Variants in RIMBP2 observed in about 807,000 individuals in gnomAD.
RIMBP2 encodes the protein RIMS-binding protein 2.
RIMBP2 carries 48 observed loss-of-function variants against 118.6 expected under a neutral mutation model. The observed-to-expected ratio is 0.40, with a 90% CI of 0.32 to 0.51. The LOEUF (loss-of-function observed/expected upper bound fraction) is 0.51, where lower values mean the gene tolerates loss of function less well. RIMBP2 is among the 20% of genes least tolerant of loss of function. The pLI, the probability that RIMBP2 is intolerant of heterozygous loss-of-function variation, is 0.41. For synonymous variants in RIMBP2, 762 were observed against 742.9 expected (o/e 1.03, Z -0.42); for missense variants, 1,551 against 1,768.3 (o/e 0.88, Z 2.20).
chr12:130,647,433 G>A (rs2063041360), intron 1 of RIMBP2, among the ~76,000 whole-genome samples: 1 of 145,912 alleles, frequency 6.9e-6, no homozygotes, highest in African/African-American at 2.5e-5. Flanking sequence ...GTCAGGAGAT[G>A]TTTGCTTCCC....
At chr12:130,530,991 G>C (rs1171474334) in intron 2 of RIMBP2, among the ~76,000 whole-genome samples, 2 of 152,156 alleles carry the variant, frequency 1.3e-5, no homozygotes, top group African/African-American at 4.8e-5. Context: ...TCTCCCCAAG[G>C]ACTGATCACT....
chr12:130,638,213 A>G (rs1352282035), intron 1 of RIMBP2, among the ~76,000 whole-genome samples: 1 of 152,198 alleles, frequency 6.6e-6, no homozygotes, highest in Non-Finnish European at 1.5e-5. Context: ...GATTAAGTTC[A>G]GCTTAGAATT....
Position 130,628,405 on chromosome 12 carries a change from C to T in RIMBP2, c.-300G>A, listed in dbSNP as rs1405831231. ...CGGTCTCCCAAAGCTTGGGTCTGAT[C>T]GAATGTGGCCTCAGCACCTGCAGGC... is the stretch of plus-strand genomic sequence containing the variant. On this transcript the variant is annotated 5_prime_UTR_variant, in exon 2 of 23. Coordinates refer to ENST00000690449, the MANE Select transcript of RIMBP2 (RefSeq NM_001393629.1). The T allele has an allele frequency of 6.6e-6, 1 of 152,182 alleles. No homozygotes were observed. The highest frequency in any genetic ancestry group is 1.9e-4 in the East Asian group (1 of 5,190). The allele number at this position is 152,182 out of a possible 1,614,324, so 9.4% of individuals were successfully genotyped here.
chr12:130,397,669 T>C (rs938090393), intron 22 of RIMBP2, 120 bp from the exon 23 acceptor site: 4 of 396,086 alleles, frequency 1.0e-5, no homozygotes, highest in African/African-American at 8.2e-5. Context: ...ATTTGTTCTT[T>C]CAGTTGTTGA....
Position 130,424,101 on chromosome 12 carries a change from G to C in RIMBP2, c.3129+41C>G. The C allele has an allele frequency of 9.1e-7, 1 of 1,095,542 alleles. No homozygotes were observed. Among genetic ancestry groups the C allele is most frequent in the South Asian group, 4.6e-5 (1 of 21,596 alleles). 67.9% of individuals were successfully genotyped at this position (1,095,542 alleles called of 1,614,324 possible). ...ACCAGTGAAAGGATGGGACAGATTG[G>C]TTTGGCAAGCGGCTGTGAAAAGGAA... On this transcript the variant is annotated intron_variant, in intron 16 of 22. Coordinates refer to ENST00000690449, the MANE Select transcript of RIMBP2 (RefSeq NM_001393629.1). The surrounding 1 kb of genome is among the most constrained non-coding windows in gnomAD (Gnocchi z 9.8).
At chr12:130,538,398 C>T (rs898359668) in intron 2 of RIMBP2, among the ~76,000 whole-genome samples, 1 of 152,072 alleles carries the variant, frequency 6.6e-6, no homozygotes, top group African/African-American at 2.4e-5. Context: ...TGCCCTTACT[C>T]ATTTCTGGGA....
Position 130,442,212 on chromosome 12 carries a change from G to A in RIMBP2, c.1140C>T (p.Thr380=). The A allele has an allele frequency of 1.2e-6, 2 of 1,614,208 alleles. No individual in the cohort carries two copies. Among genetic ancestry groups the A allele is most frequent in the Non-Finnish European group, 1.7e-6 (2 of 1,180,042 alleles). The change falls in exon 11 of 23, where the codon ACC becomes ACT. Residue 380 remains threonine (T), a synonymous_variant. Transcript: ENST00000690449. The surrounding 1 kb of genome is among the most constrained non-coding windows in gnomAD (Gnocchi z 6.9). The stretch of plus-strand genomic sequence containing the variant: ...TGACGCACTGCACGGAGATGCGGTA[G>A]GTGCAGGCTGCCATGTTGAGCTTCT... ...LIEKLNMAAC[T]YRISVQCVTS... is the part of the protein sequence containing the mutation.
chr12:130,400,513 T>A (rs1012159523), intron 21 of RIMBP2, among the ~76,000 whole-genome samples: 3 of 152,154 alleles, frequency 2.0e-5, no homozygotes, highest in African/African-American at 7.2e-5. Context: ...CTCACAGGCC[T>A]ACCACGTCAC....
At chr12:130,619,007 A>G (rs2061135932) in intron 2 of RIMBP2, among the ~76,000 whole-genome samples, 1 of 152,178 alleles carries the variant, frequency 6.6e-6, no homozygotes, top group Non-Finnish European at 1.5e-5. Flanking sequence ...TTGCTGATGG[A>G]CTTTTTATGT....
chr12:130,579,094 A>ATC (rs2058288227), intron 2 of RIMBP2, among the ~76,000 whole-genome samples: 1 of 152,162 alleles, frequency 6.6e-6, no homozygotes, highest in South Asian at 2.1e-4. Context: ...CTGTTGCTTC[A>ATC]GTTGTTTGTT....
intron 2 of RIMBP2, among the ~76,000 whole-genome samples, chr12:130,583,281 T>G (rs1236819009): frequency 6.6e-6 from 1 of 152,136 alleles, no homozygotes; most frequent in African/African-American, 2.4e-5. Flanking sequence ...CTTGTGGGAT[T>G]GTCAGGAAGA....
rs890037640 is a variant in RIMBP2, at chr12:130,450,845, C to T, written c.504+350G>A. 1.5e-4 allele frequency among the ~76,000 whole-genome samples: 23 copies of T among 152,258 alleles called. No homozygotes were observed. The highest frequency in any genetic ancestry group is 3.9e-4 in the East Asian group (2 of 5,156). ...TTCCCATCAATGCCACAGGACAGGA[C>T]GCGCAGGGCCCTCCCCAACCTCCAC... is the stretch of plus-strand genomic sequence containing the variant. On this transcript the variant is annotated intron_variant, in intron 8 of 22. Coordinates refer to ENST00000690449, the MANE Select transcript of RIMBP2 (RefSeq NM_001393629.1). The surrounding 1 kb of genome is among the most constrained non-coding windows in gnomAD (Gnocchi z 4.8).
rs774880043 is a variant in RIMBP2, at chr12:130,515,112, G to C, written c.-127+2716C>G. ...AGGATGGTCTCAATCTCCTGACCTC[G>C]TGATCCGCCCGCCTCGGCCTCCCAA... On this transcript the variant is annotated intron_variant, in intron 3 of 22. Coordinates refer to ENST00000690449, the MANE Select transcript of RIMBP2 (RefSeq NM_001393629.1). Among the ~76,000 whole-genome samples, 3 of 152,182 alleles carry C rather than the reference G, an allele frequency of 2.0e-5. No individual in the cohort carries two copies. In the East Asian group the frequency reaches 5.8e-4, roughly 30 times the overall value.
chr12:130,400,287 T>TAAG (rs1369160140), intron 21 of RIMBP2, among the ~76,000 whole-genome samples: 3 of 152,206 alleles, frequency 2.0e-5, no homozygotes, highest in African/African-American at 7.2e-5. Flanking sequence ...TACTCAGCCT[T>TAAG]AAGACTGTCC....
chr12:130,571,454 T>G (rs4759496), intron 2 of RIMBP2, among the ~76,000 whole-genome samples: 61 of 145,898 alleles, frequency 4.2e-4, no homozygotes, highest in African/African-American at 1.4e-3. Context: ...GAGTCTCACT[T>G]TTTTGCCCAG....
intron 21 of RIMBP2, among the ~76,000 whole-genome samples, chr12:130,400,826 A>C (rs1383519083): frequency 6.6e-6 from 1 of 152,240 alleles, no homozygotes; most frequent in East Asian, 1.9e-4. Flanking sequence ...CAGCAGGCAC[A>C]TGAAAAGATG....
intron 5 of RIMBP2, among the ~76,000 whole-genome samples, chr12:130,474,857 A>G (rs1046726786): frequency 1.8e-4 from 28 of 152,238 alleles, no homozygotes; most frequent in African/African-American, 6.7e-4. Flanking sequence ...TACCATCGTC[A>G]TGACCATTCA....
chr12:130,544,672 T>C (rs538340863), intron 2 of RIMBP2, among the ~76,000 whole-genome samples: 1 of 135,216 alleles, frequency 7.4e-6, no homozygotes, highest in Admixed American at 8.8e-5. Flanking sequence ...TGATTTCAGC[T>C]CACTGCAACC....
At chr12:130,543,904 A>AC (rs1429167263) in intron 2 of RIMBP2, among the ~76,000 whole-genome samples, 2 of 152,210 alleles carry the variant, frequency 1.3e-5, no homozygotes, top group East Asian at 1.9e-4. Context: ...CCTGCTAGGC[A>AC]CTCAGGATGT....
Sources: allele counts gnomAD v4.1 joint callset (sites outside exome capture counted in the v4.1 genomes callset), GRCh38; gene constraint gnomAD v4.1.1; non-coding constraint Gnocchi (gnomAD v3.1); transcripts MANE v1.5; gene names NCBI Gene and HGNC (gene_info 2026-07-23, HGNC 2026-07-21).